Variants in MAP3K11 observed in about 807,000 individuals in gnomAD.
MAP3K11 encodes mitogen-activated protein kinase kinase kinase 11, also known as SH3 domain-containing proline-rich kinase.
MAP3K11 carries 46 observed loss-of-function variants against 84.9 expected under a neutral mutation model. The observed-to-expected ratio is 0.54, with a 90% CI of 0.43 to 0.69. The LOEUF (loss-of-function observed/expected upper bound fraction) is 0.69. Among genes scored for constraint, MAP3K11 ranks in the 30% least tolerant of loss-of-function variants. The pLI is 0.00. For missense variants in MAP3K11, 1,053 were observed against 1,198.3 expected (o/e 0.88, Z 1.79); for synonymous variants, 527 against 514.7 (o/e 1.02, Z -0.32).
intron 1 of MAP3K11, 41 bp downstream of exon 1, chr11:65,612,977 C>G (rs775411017): frequency 2.6e-6 from 4 of 1,512,770 alleles, no homozygotes; most frequent in Non-Finnish European, 3.5e-6. Flanking sequence ...CAGGTGTGTA[C>G]CAGAGCCATG....
chr11:65,612,717 T>G, intron 1 of MAP3K11: 1 of 305,014 alleles, frequency 3.3e-6, no homozygotes, highest in Non-Finnish European at 6.0e-6. Flanking sequence ...TTCCTTGAGG[T>G]GGGAGCCATG....
At chr11:65,610,474 C>A (rs1250484906) in intron 1 of MAP3K11, 2 of 152,346 alleles carry the variant, frequency 1.3e-5, no homozygotes, top group African/African-American at 4.8e-5. Context: ...GCCCTCCTCT[C>A]CCTCCTCTGT....
chr11:65,606,505 T>TA (rs112629622), intron 6 of MAP3K11, 186 bp downstream of exon 6: 193 of 447,442 alleles, frequency 4.3e-4, no homozygotes, highest in South Asian at 5.5e-4. Flanking sequence ...ATTATTTGAC[T>TA]AAAAAAAAAT....
chr11:65,607,197 T>C, intron 5 of MAP3K11, 73 bp downstream of exon 5: 3 of 1,400,492 alleles, frequency 2.1e-6, no homozygotes, highest in Non-Finnish European at 2.8e-6. Context: ...CCCAGCGCGG[T>C]GAGCACACAG....
intron 1 of MAP3K11, chr11:65,609,566 C>T (rs901228344): frequency 3.3e-5 from 5 of 152,158 alleles, no homozygotes; most frequent in Non-Finnish European, 5.9e-5. Flanking sequence ...GAGAAGTTTT[C>T]GAGGAATAGA....
At chr11:65,611,859 G>A (rs1353152396) in intron 1 of MAP3K11, 1 of 152,324 alleles carries the variant, frequency 6.6e-6, no homozygotes, top group Non-Finnish European at 1.5e-5. Flanking sequence ...AGAGCCCAGG[G>A]TTGAGGCTGA....
rs113489940 is a variant in MAP3K11, at chr11:65,599,575, C to A, written c.2025G>T (p.Pro675=). 1,579 of 1,507,632 alleles carry A rather than the reference C, an allele frequency of 1.0e-3. 16 individuals carry two copies. The African/African-American group carries it at 0.021, about 20-fold the overall frequency. 93.4% of individuals were successfully genotyped at this position (1,507,632 alleles called of 1,614,324 possible). A position where few individuals can be genotyped will look rare whatever the true frequency, so the allele number is the denominator to read the frequency against. The stretch of plus-strand genomic sequence containing the variant: ...CGGGCGTTGGCGTGGGGGGTGTTGT[C>A]GGGGACTCCCCGCGCTCGCGTCCTG... ...GGPGRERGES[P]TTPPTPTPAP... Residue 675 remains proline, a synonymous_variant, in exon 9 of 10, where the codon CCG becomes CCT. Coordinates refer to ENST00000309100, the MANE Select transcript of MAP3K11 (RefSeq NM_002419.4).
Position 65,599,549 on chromosome 11 carries a change from G to A in MAP3K11, c.2051C>T (p.Ala684Val), listed in dbSNP as rs374573657. The change falls in exon 9 of 10, where the codon GCG (alanine) becomes GTG (valine). Residue 684 changes from alanine (A) to valine (V), a missense_variant. Ala to Val is a moderately conservative substitution (Grantham distance 64). Around this residue, in one of 3 missense-constraint regions of MAP3K11, gnomAD observed 583 missense variants for 566.6 expected, o/e 1.03. Coordinates refer to ENST00000309100, the MANE Select transcript of MAP3K11 (RefSeq NM_002419.4). ...AGGGGGCGGCTCGGTCGGGCAGGGC[G>A]CGGGCGTTGGCGTGGGGGGTGTTGT... ...SPTTPPTPTP[A>V]PCPTEPPPSP... The A allele has an allele frequency of 1.6e-5, 24 of 1,491,074 alleles. No individual in the cohort carries two copies. The highest frequency in any genetic ancestry group is 4.1e-5 in the South Asian group (3 of 73,540). The allele number at this position is 1,491,074 out of a possible 1,614,324, so 92.4% of individuals were successfully genotyped here.
intron 8 of MAP3K11, among the ~76,000 whole-genome samples, chr11:65,604,142 T>C (rs902079426): frequency 6.6e-6 from 1 of 152,386 alleles, no homozygotes; most frequent in East Asian, 1.9e-4. Flanking sequence ...ATCTGAACTA[T>C]TCATGAATAT....
At chr11:65,606,543 T>C in intron 6 of MAP3K11, 148 bp downstream of exon 6, 1 of 572,334 alleles carries the variant, frequency 1.7e-6, no homozygotes, top group Non-Finnish European at 3.1e-6. Flanking sequence ...CTTGGGGAGT[T>C]CAGAGGTAAC....
At position 65,613,193 on chromosome 11, in the gene MAP3K11, G is replaced by C; in HGVS notation, c.564C>G (p.Asn188Lys). Reference sequence around the variant, plus strand: ...CTGCATACTCCATCACCAGGCACAGGTTGGGCTCCTCCAGGCACACAGCCT... The same window carrying C: ...CTGCATACTCCATCACCAGGCACAGCTTGGGCTCCTCCAGGCACACAGCCT... ...ALKAVCLEEP[N>K]LCLVMEYAAG... The change falls in exon 1 of 10, where the codon AAC (asparagine) becomes AAG (lysine). Residue 188 changes from asparagine (N) to lysine (K), a missense_variant. By Grantham distance (94) the Asn-to-Lys change is moderately conservative. Coordinates refer to ENST00000309100, the MANE Select transcript of MAP3K11 (RefSeq NM_002419.4). 1.3e-6 allele frequency: 2 copies of C among 1,589,168 alleles called. No homozygotes were observed. The highest frequency in any genetic ancestry group is 1.7e-6 in the Non-Finnish European group (2 of 1,165,986).
At chr11:65,611,317 C>T (rs960849773) in intron 1 of MAP3K11, 3 of 152,364 alleles carry the variant, frequency 2.0e-5, no homozygotes, top group African/African-American at 4.8e-5. Context: ...CTCCTCTCCC[C>T]GCCAGGCTTC....
At position 65,605,987 on chromosome 11, in the gene MAP3K11, C is replaced by A. The variant is rs1195910294; in HGVS notation, c.1698G>T (p.Trp566Cys). Residue 566 changes from tryptophan to cysteine, a missense_variant, in exon 7 of 10, where the codon TGG (tryptophan) becomes TGT (cysteine). Transcript: ENST00000309100. ...SNGERRACWAWGPSSPKPGEA... is the reference protein window; with the variant it reads ...SNGERRACWACGPSSPKPGEA... ...CCCCAGGCTTGGGGGAACTGGGACC[C>A]CAAGCCCAGCATGCTCGCCGCTCTC... The A allele has an allele frequency of 4.4e-6, 7 of 1,601,800 alleles. No individual in the cohort carries two copies. The highest frequency in any genetic ancestry group is 1.7e-4 in the Middle Eastern group (1 of 6,024).
intron 9 of MAP3K11, among the ~76,000 whole-genome samples, chr11:65,599,009 G>A (rs1447444688): frequency 1.3e-5 from 2 of 152,172 alleles, no homozygotes; most frequent in Non-Finnish European, 2.9e-5. Context: ...AAGGAGCCAG[G>A]AGTTTGCTAC....
chr11:65,613,761 G>T lies in MAP3K11; in HGVS notation c.-5C>A. On this transcript the variant is annotated 5_prime_UTR_variant, in exon 1 of 10. Transcript: ENST00000309100. The stretch of plus-strand genomic sequence containing the variant: ...GAGGCTCTTCAAGGGCTCCATGGCC[G>T]GGAGCCGGCGCTGGGATGTGTGGAG... 15 of 1,538,200 alleles carry T rather than the reference G, an allele frequency of 9.8e-6. No homozygotes were observed. The highest frequency in any genetic ancestry group is 1.3e-5 in the Non-Finnish European group (15 of 1,145,276).
intron 8 of MAP3K11, among the ~76,000 whole-genome samples, chr11:65,604,068 A>G (rs1854482091): frequency 6.6e-6 from 1 of 152,288 alleles, no homozygotes; most frequent in Non-Finnish European, 1.5e-5. Flanking sequence ...ATCTCTCAGA[A>G]TGCAAAGTGA....
Position 65,608,303 on chromosome 11 carries a change from C to T in MAP3K11, c.885G>A (p.Lys295=), listed in dbSNP as rs767622827. 1.1e-5 allele frequency: 17 copies of T among 1,614,214 alleles called. No individual in the cohort carries two copies. Among genetic ancestry groups the T allele is most frequent in the Non-Finnish European group, 1.4e-5 (16 of 1,180,018 alleles). ...TYAWMAPEVI[K]ASTFSKGSDV... is the part of the protein sequence containing the mutation. ...CACTGCCCTTAGAGAAGGTGGAGGC[C>T]TTGATAACCTCAGGAGCCATCCAGG... Residue 295 remains lysine, a synonymous_variant, in exon 2 of 10, where the codon AAG becomes AAA. Coordinates refer to ENST00000309100, the MANE Select transcript of MAP3K11 (RefSeq NM_002419.4).
At position 65,598,278 on chromosome 11, in the gene MAP3K11, T is replaced by C. The variant is rs1257990150; in HGVS notation, c.*13A>G. The C allele has an allele frequency of 2.8e-6, 4 of 1,428,736 alleles. No individual in the cohort carries two copies. Among genetic ancestry groups the C allele is most frequent in the Non-Finnish European group, 3.7e-6 (4 of 1,088,666 alleles). The allele number at this position is 1,428,736 out of a possible 1,614,324, so 88.5% of individuals were successfully genotyped here. On this transcript the variant is annotated 3_prime_UTR_variant, in exon 10 of 10. Coordinates refer to ENST00000309100, the MANE Select transcript of MAP3K11 (RefSeq NM_002419.4). The stretch of plus-strand genomic sequence containing the variant: ...CTAAGGCAGCTGGAGCTCGGGGGAG[T>C]GGCCTGGCCCACTCAAGGCCCCGCT...
At chr11:65,605,550 G>A in intron 8 of MAP3K11, 1 of 507,680 alleles carries the variant, frequency 2.0e-6, no homozygotes, top group Non-Finnish European at 3.4e-6. Context: ...CCGAGCCGAG[G>A]CCTGGGCTGT....
Sources: gnomAD v4.1 joint callset for allele counts (sites outside exome capture counted in the v4.1 genomes callset) on GRCh38, gnomAD v4.1.1 for gene constraint, gnomAD v4.1.1 regional missense constraint, MANE v1.5 for transcripts, NCBI Gene and HGNC (gene_info 2026-07-23, HGNC 2026-07-21) for gene names.